The following SNRPF variants were observed in gnomAD, a reference collection of about 807,000 sequenced individuals.
SNRPF encodes small nuclear ribonucleoprotein F.
A neutral mutation model predicts 13.4 loss-of-function variants in SNRPF; 1 was observed. That is an observed-to-expected ratio of 0.07 (90% CI 0.03 to 0.35). The LOEUF is 0.35. Ranked by LOEUF, SNRPF falls within the 10% of genes least tolerant of loss-of-function variation. The pLI is 0.99. For synonymous variants in SNRPF, 27 were observed against 32.1 expected, an observed-to-expected ratio of 0.84 and a Z score of 0.54; for missense variants, 53 against 101.0, an observed-to-expected ratio of 0.52 and a Z score of 2.04.
intron 2 of SNRPF, among the ~76,000 whole-genome samples, chr12:95,863,354 A>G (rs1386372060): frequency 6.6e-6 from 1 of 152,236 alleles, no homozygotes; most frequent in Non-Finnish European, 1.5e-5. Flanking sequence ...ACTGAATTGT[A>G]CACTTTAAAA....
Position 95,866,119 on chromosome 12 carries a change from A to AT in SNRPF, c.*51dup. On this transcript the variant is annotated 3_prime_UTR_variant, in exon 4 of 4. Transcript: ENST00000266735. ...TTATATATATTTCTAGACAATAAAGATTTGTTTGTTTTTCAACTTGACTTG... is the reference window on the plus strand; with the variant it reads ...TTATATATATTTCTAGACAATAAAGATTTTGTTTGTTTTTCAACTTGACTTG... 2 of 936,130 alleles carry AT rather than the reference A, an allele frequency of 2.1e-6. No individual in the cohort carries two copies. The highest frequency in any genetic ancestry group is 3.3e-6 in the Non-Finnish European group (2 of 609,370). The allele number at this position is 936,130 out of a possible 1,614,324, so 58.0% of individuals were successfully genotyped here. A position where few individuals can be genotyped will look rare whatever the true frequency, so the allele number is the denominator to read the frequency against.
In SNRPF at chr12:95,866,058, A is replaced by G; in HGVS notation, c.248A>G (p.Glu83Gly). The G allele has an allele frequency of 6.7e-7, 1 of 1,498,490 alleles. No homozygotes were observed. The highest frequency in any genetic ancestry group is 9.2e-7 in the Non-Finnish European group (1 of 1,089,114). 92.8% of individuals were successfully genotyped at this position (1,498,490 alleles called of 1,614,324 possible). ...RGVEEEEEDG[E>G]MRE is the part of the protein sequence containing the mutation. The stretch of plus-strand genomic sequence containing the variant: ...GTGGAAGAAGAGGAAGAAGATGGGG[A>G]AATGAGAGAATAGCATCTTTTGTGG... The change falls in exon 4 of 4, where the codon GAA becomes GGA. Residue 83 changes from glutamate (E) to glycine (G), a missense_variant. Glu to Gly is a moderately conservative substitution (Grantham distance 98). Transcript: ENST00000266735.
chr12:95,859,111 G>T (rs754629048), intron 1 of SNRPF, 35 bp downstream of exon 1: 1 of 1,583,094 alleles, frequency 6.3e-7, no homozygotes, highest in African/African-American at 1.3e-5. Context: ...GAAGCGGGGA[G>T]AAAGAGAAGG....
At chr12:95,859,105 C>G in intron 1 of SNRPF, 29 bp downstream of exon 1, 1 of 1,596,868 alleles carries the variant, frequency 6.3e-7, no homozygotes, top group Non-Finnish European at 8.6e-7. Flanking sequence ...GCGGGAGAAG[C>G]GGGGAGAAAG....
At chr12:95,865,124 A>G in intron 2 of SNRPF, 200 bp from the exon 3 acceptor site, 1 of 373,344 alleles carries the variant, frequency 2.7e-6, no homozygotes, top group East Asian at 4.1e-5. Flanking sequence ...AGCTTTGAAT[A>G]TTAATTTCGT....
At position 95,859,038 on chromosome 12, in the gene SNRPF, G is replaced by T. The variant is rs762433498; in HGVS notation, c.-36G>T. ...CGAGGGACGGGCGGCGGCCTGGTCG[G>T]CAGAGAGTAGCCTGCAACATTCGGC... is the stretch of plus-strand genomic sequence containing the variant. On this transcript the variant is annotated 5_prime_UTR_variant, in exon 1 of 4. Transcript: ENST00000266735. 2 of 1,611,568 alleles carry T rather than the reference G, an allele frequency of 1.2e-6. No homozygotes were observed. Among genetic ancestry groups the T allele is most frequent in the Non-Finnish European group, 8.5e-7 (1 of 1,179,326 alleles).
chr12:95,865,862 T>A (rs1472903391), intron 3 of SNRPF, 143 bp from the exon 4 acceptor site: 4 of 365,562 alleles, frequency 1.1e-5, no homozygotes, highest in South Asian at 8.5e-5. Context: ...AACTTTTTTT[T>A]AAAATGAATA....
Position 95,865,232 on chromosome 12 carries a change from G to A in SNRPF, c.130-92G>A, listed in dbSNP as rs866595989. The A allele has an allele frequency of 7.1e-6, 4 of 559,976 alleles. No homozygotes were observed. In the Middle Eastern group the frequency reaches 9.6e-4, roughly 135 times the overall value. The allele number at this position is 559,976 out of a possible 1,614,324, so 34.7% of individuals were successfully genotyped here. ...AAATTTGAGTTGTTGGTATAGAAAG[G>A]TCTCAGTTAATGAGTTCTCTCACCA... On this transcript the variant is annotated intron_variant, in intron 2 of 3. Coordinates refer to ENST00000266735, the MANE Select transcript of SNRPF (RefSeq NM_003095.5).
intron 1 of SNRPF, among the ~76,000 whole-genome samples, chr12:95,860,354 G>A (rs943205062): frequency 1.3e-5 from 2 of 152,192 alleles, no homozygotes; most frequent in African/African-American, 2.4e-5. Context: ...GCCTGGAACA[G>A]CATTTTTTCC....
intron 2 of SNRPF, among the ~76,000 whole-genome samples, chr12:95,862,648 G>A (rs753742203): frequency 1.3e-5 from 2 of 152,144 alleles, no homozygotes; most frequent in Non-Finnish European, 2.9e-5. Flanking sequence ...GCCTGGGGAG[G>A]TTGAAGCTGC....
chr12:95,860,504 A>G (rs2079490283), intron 1 of SNRPF, among the ~76,000 whole-genome samples: 2 of 152,202 alleles, frequency 1.3e-5, no homozygotes, highest in Non-Finnish European at 2.9e-5. Context: ...CAATATAATT[A>G]TTTGTATGTG....
intron 1 of SNRPF, among the ~76,000 whole-genome samples, chr12:95,860,471 T>C (rs1047860329): frequency 6.6e-6 from 1 of 152,250 alleles, no homozygotes; most frequent in African/African-American, 2.4e-5. Context: ...CTAGTATATC[T>C]CCTTTTACTA....
intron 2 of SNRPF, among the ~76,000 whole-genome samples, chr12:95,864,440 A>T (rs1195487697): frequency 6.6e-6 from 1 of 152,224 alleles, no homozygotes; most frequent in African/African-American, 2.4e-5. Flanking sequence ...TAATTCACCA[A>T]AATAACTGTA....
At chr12:95,859,150 G>C in intron 1 of SNRPF, 74 bp downstream of exon 1, 1 of 1,315,696 alleles carries the variant, frequency 7.6e-7, no homozygotes, top group Non-Finnish European at 1.1e-6. Flanking sequence ...GGGCCTGCTG[G>C]TTCCTTCGCG....
At chr12:95,860,717 C>T (rs1235757725) in intron 1 of SNRPF, among the ~76,000 whole-genome samples, 11 of 152,040 alleles carry the variant, frequency 7.2e-5, no homozygotes. Context: ...ACCACCACAC[C>T]TGACTATTTT....
chr12:95,862,751 C>T (rs577520100), intron 2 of SNRPF, among the ~76,000 whole-genome samples: 2 of 152,088 alleles, frequency 1.3e-5, no homozygotes, highest in Non-Finnish European at 1.5e-5. Flanking sequence ...ACAGCAGCTA[C>T]GTGGTTTTAC....
intron 2 of SNRPF, among the ~76,000 whole-genome samples, chr12:95,862,245 A>G (rs1219984083): frequency 6.6e-6 from 1 of 151,606 alleles, no homozygotes; most frequent in Non-Finnish European, 1.5e-5. Flanking sequence ...TGGATATACC[A>G]CATTCTAATC....
At chr12:95,861,107 G>A in intron 1 of SNRPF, 61 bp from the exon 2 acceptor site, 1 of 1,511,720 alleles carries the variant, frequency 6.6e-7, no homozygotes, top group Non-Finnish European at 9.0e-7. Flanking sequence ...TGATTCGGTA[G>A]AAGAGAGTTG....
rs749790839 is a variant in SNRPF at position 95,861,252 on chromosome 12, A to G, written c.88A>G (p.Lys30Glu). 3.1e-6 allele frequency: 5 copies of G among 1,612,484 alleles called. No homozygotes were observed. The highest frequency in any genetic ancestry group is 1.3e-5 in the African/African-American group (1 of 75,002). The change falls in exon 2 of 4, where the codon AAG (lysine) becomes GAG (glutamate). Residue 30 changes from lysine to glutamate, a missense_variant. Transcript: ENST00000266735. ...MVKLKWGMEYKGYLVSVDGYM... is the reference protein window; with the variant it reads ...MVKLKWGMEYEGYLVSVDGYM... The stretch of plus-strand genomic sequence containing the variant: ...GAAACTTAAGTGGGGAATGGAGTAC[A>G]AGGGCTATCTGGTATCTGTAGATGG...
Sources: gnomAD v4.1 joint callset for allele counts (sites outside exome capture counted in the v4.1 genomes callset) on GRCh38, gnomAD v4.1.1 for gene constraint, MANE v1.5 for transcripts, NCBI Gene and HGNC (gene_info 2026-07-23, HGNC 2026-07-21) for gene names.